Variants in ENTREP2 observed in about 807,000 individuals in gnomAD.
ENTREP2 encodes protein ENTREP2.
the ENTREP2 span, among the ~76,000 whole-genome samples, chr15:29,278,466 C>G: frequency 6.6e-6 from 1 of 152,340 alleles, no homozygotes; most frequent in East Asian, 1.9e-4. Context: ...TTGGGAGAGG[C>G]AGGCTAACTG....
the ENTREP2 span, among the ~76,000 whole-genome samples, chr15:29,544,763 T>G: frequency 1.3e-5 from 2 of 152,134 alleles, no homozygotes; most frequent in Non-Finnish European, 2.9e-5. Context: ...ACACTGACAT[T>G]CTTCACATGC....
chr15:29,413,646 G>C, the ENTREP2 span, among the ~76,000 whole-genome samples: 17 of 152,178 alleles, frequency 1.1e-4, no homozygotes, highest in African/African-American at 1.4e-4. Flanking sequence ...CATACGTACG[G>C]TATTTTGCTT....
At chr15:29,395,820 C>T in the ENTREP2 span, among the ~76,000 whole-genome samples, 1 of 152,080 alleles carries the variant, frequency 6.6e-6, no homozygotes, top group South Asian at 2.1e-4. Context: ...AGGTGTGAGC[C>T]ACCACGCCAG....
At chr15:29,299,118 T>G in the ENTREP2 span, among the ~76,000 whole-genome samples, 2 of 152,198 alleles carry the variant, frequency 1.3e-5, no homozygotes, top group Non-Finnish European at 2.9e-5. Flanking sequence ...TGAAGAAATA[T>G]TTTATGATTA....
the ENTREP2 span, chr15:29,569,691 C>A: frequency 6.6e-6 from 1 of 152,202 alleles, no homozygotes; most frequent in African/African-American, 2.4e-5. Flanking sequence ...TGCTACAAAA[C>A]GCCAAAAATT....
At chr15:29,195,199 G>A in the ENTREP2 span, 1 of 985,372 alleles carries the variant, frequency 1.0e-6, no homozygotes, top group Non-Finnish European at 1.2e-6. Flanking sequence ...GAGCTGCTGG[G>A]ACCATCCAAC....
the ENTREP2 span, among the ~76,000 whole-genome samples, chr15:29,365,998 G>A: frequency 6.6e-6 from 1 of 152,168 alleles, no homozygotes; most frequent in Non-Finnish European, 1.5e-5. Flanking sequence ...GACATGGACT[G>A]TTAGATGACT....
At chr15:29,516,698 T>C in the ENTREP2 span, among the ~76,000 whole-genome samples, 2 of 152,162 alleles carry the variant, frequency 1.3e-5, no homozygotes, top group African/African-American at 4.8e-5. Flanking sequence ...GTGGTATTAT[T>C]TGCTGTAGCT....
the ENTREP2 span, among the ~76,000 whole-genome samples, chr15:29,504,314 A>G: frequency 2.0e-5 from 3 of 152,222 alleles, no homozygotes; most frequent in Admixed American, 2.0e-4. Flanking sequence ...GAGGAGTTAA[A>G]TGACTTTATG....
At chr15:29,392,712 G>A in the ENTREP2 span, among the ~76,000 whole-genome samples, 4 of 152,196 alleles carry the variant, frequency 2.6e-5, no homozygotes, top group South Asian at 2.1e-4. Flanking sequence ...TTTTTCATTC[G>A]TTCTGGAAAT....
chr15:29,167,732 G>A, the ENTREP2 span, among the ~76,000 whole-genome samples: 5 of 152,180 alleles, frequency 3.3e-5, no homozygotes, highest in African/African-American at 7.2e-5. Flanking sequence ...ATGTAAACTC[G>A]TGCAGCCACT....
chr15:29,650,874 C>T, the ENTREP2 span, among the ~76,000 whole-genome samples: 1 of 152,060 alleles, frequency 6.6e-6, no homozygotes, highest in Non-Finnish European at 1.5e-5. Flanking sequence ...AATACATTAG[C>T]CAGGGATGAT....
the ENTREP2 span, among the ~76,000 whole-genome samples, chr15:29,532,305 A>G: frequency 2.0e-5 from 3 of 152,268 alleles, no homozygotes; most frequent in Non-Finnish European, 2.9e-5. Context: ...TATTTTACAC[A>G]TATTCTGCAT....
chr15:29,444,230 GAAA>G, the ENTREP2 span, among the ~76,000 whole-genome samples: 5 of 147,308 alleles, frequency 3.4e-5, no homozygotes, highest in Non-Finnish European at 7.5e-5. Flanking sequence ...AAGAAAGAAA[GAAA>G]GAAAGAAAGA....
the ENTREP2 span, among the ~76,000 whole-genome samples, chr15:29,605,997 A>G: frequency 2.0e-5 from 3 of 151,938 alleles, no homozygotes; most frequent in Non-Finnish European, 4.4e-5. Flanking sequence ...TCTCCCTCCC[A>G]CCATAAGTGA....
At chr15:29,660,016 G>GGTCTC in the ENTREP2 span, among the ~76,000 whole-genome samples, 1 of 152,036 alleles carries the variant, frequency 6.6e-6, no homozygotes, top group African/African-American at 2.4e-5. Flanking sequence ...TGCCCAGGCT[G>GGTCTC]GTCTCGAACT....
At chr15:29,566,065 A>T in the ENTREP2 span, among the ~76,000 whole-genome samples, 1 of 152,178 alleles carries the variant, frequency 6.6e-6, no homozygotes, top group Non-Finnish European at 1.5e-5. Context: ...ATTAAACAAC[A>T]CTGGTAATGT....
the ENTREP2 span, among the ~76,000 whole-genome samples, chr15:29,459,105 A>G: frequency 3.3e-5 from 5 of 152,172 alleles, no homozygotes; most frequent in Admixed American, 2.0e-4. Flanking sequence ...CGACCCATCC[A>G]ATCAACAGGG....
the ENTREP2 span, among the ~76,000 whole-genome samples, chr15:29,555,606 A>G: frequency 2.0e-5 from 3 of 152,220 alleles, no homozygotes; most frequent in African/African-American, 7.2e-5. Flanking sequence ...CACGCTGCTC[A>G]GGGTGACCCA....
Sources: gnomAD v4.1 joint callset for allele counts (sites outside exome capture counted in the v4.1 genomes callset) on GRCh38, gnomAD v4.1.1 for gene constraint, MANE v1.5 for transcripts, NCBI Gene and HGNC (gene_info 2026-07-23, HGNC 2026-07-21) for gene names.